CADM4: variants seen among roughly 807,000 people sequenced by gnomAD.
The protein encoded by CADM4 is TSLC1-like 2.
Under a neutral mutation model 43.9 loss-of-function variants are expected in CADM4, and 13 were observed. The observed-to-expected ratio is 0.30, with a 90% CI of 0.19 to 0.47. CADM4 has a LOEUF of 0.47. Ranked by LOEUF, CADM4 falls within the 20% of genes least tolerant of loss-of-function variation. The probability of loss-of-function intolerance (pLI) is 1.00; values close to 1 mark genes in which losing one functional copy is unlikely to be tolerated. For missense variants in CADM4, 420 were observed against 527.0 expected (o/e 0.80, Z 1.99); for synonymous variants, 209 against 220.9 (o/e 0.95, Z 0.48).
At position 43,626,676 on chromosome 19, in the gene CADM4, A is replaced by G; in HGVS notation, c.499+108T>C. The G allele has an allele frequency of 7.2e-7, 1 of 1,387,800 alleles. No homozygotes were observed. Among genetic ancestry groups the G allele is most frequent in the South Asian group, 1.5e-5 (1 of 67,116 alleles). 86.0% of individuals were successfully genotyped at this position (1,387,800 alleles called of 1,614,324 possible). On this transcript the variant is annotated intron_variant, in intron 4 of 8. Coordinates refer to ENST00000222374, the MANE Select transcript of CADM4 (RefSeq NM_145296.2). The surrounding 1 kb of genome is among the most constrained non-coding windows in gnomAD (Gnocchi z 5.9). ...CCGCGCTCGACATCAACCACTACAT[A>G]TTGAATGTCCAGTGTCTGTGAAAAC...
chr19:43,628,269 CAAAAAA>C (rs1196984834), intron 1 of CADM4, among the ~76,000 whole-genome samples: 1 of 127,562 alleles, frequency 7.8e-6, no homozygotes, highest in African/African-American at 2.9e-5. Context: ...ACTAAAAATA[CAAAAAA>C]AAAAAAAAAA....
intron 1 of CADM4, among the ~76,000 whole-genome samples, chr19:43,630,664 G>A (rs1973608976): frequency 6.6e-6 from 1 of 152,108 alleles, no homozygotes; most frequent in Non-Finnish European, 1.5e-5. Flanking sequence ...GAGTGGCAGT[G>A]CCAAAATCTT....
intron 1 of CADM4, among the ~76,000 whole-genome samples, chr19:43,635,043 A>T (rs1287939512): frequency 6.6e-6 from 1 of 151,440 alleles, no homozygotes; most frequent in Non-Finnish European, 1.5e-5. Context: ...GCTTAGACAC[A>T]GGAGTCTGGG....
At chr19:43,630,571 A>C (rs115645883) in intron 1 of CADM4, among the ~76,000 whole-genome samples, 1 of 152,060 alleles carries the variant, frequency 6.6e-6, no homozygotes, top group East Asian at 1.9e-4. Flanking sequence ...GGCTTGAGCT[A>C]TCGTGTCCTG....
Position 43,626,242 on chromosome 19 carries a change from G to A in CADM4, c.546C>T (p.Ser182=). 1.2e-6 allele frequency: 2 copies of A among 1,613,052 alleles called. No individual in the cohort carries two copies. Among genetic ancestry groups the A allele is most frequent in the Non-Finnish European group, 1.7e-6 (2 of 1,180,012 alleles). ...QENGKVWSVA[S]TVRFRVDRKD... is the part of the protein sequence containing the mutation. Reference sequence around the variant, plus strand: ...TACGGTCCACACGAAACCGTACTGTGCTTGCCACGCTCCAGACCTTGCCAT... The same window carrying A: ...TACGGTCCACACGAAACCGTACTGTACTTGCCACGCTCCAGACCTTGCCAT... The change falls in exon 5 of 9, where the codon AGC becomes AGT. Residue 182 remains serine (S), a synonymous_variant. Transcript: ENST00000222374. The surrounding 1 kb of genome is among the most constrained non-coding windows in gnomAD (Gnocchi z 5.9).
chr19:43,641,583 G>A (rs58181910), upstream of CADM4, among the ~76,000 whole-genome samples: 489 of 152,210 alleles, frequency 3.2e-3, 2 homozygotes, highest in African/African-American at 0.011. Flanking sequence ...TGTCCTCAGG[G>A]TCCAAGCTCC....
In CADM4 at chr19:43,626,771, C is replaced by T; in HGVS notation, c.499+13G>A. 6.4e-7 allele frequency: 1 copy of T among 1,557,838 alleles called. No homozygotes were observed. The highest frequency in any genetic ancestry group is 8.7e-7 in the Non-Finnish European group (1 of 1,148,634). ...CTCCTCCCCATCCCTTGTCAGCACT[C>T]GGCCCAGGGTACCTTTCAGCTCCTT... On this transcript the variant is annotated intron_variant, in intron 4 of 8. Transcript: ENST00000222374. The surrounding 1 kb of genome is among the most constrained non-coding windows in gnomAD (Gnocchi z 5.9).
At chr19:43,637,079 C>A (rs1267729660) in intron 1 of CADM4, among the ~76,000 whole-genome samples, 1 of 152,148 alleles carries the variant, frequency 6.6e-6, no homozygotes, top group Non-Finnish European at 1.5e-5. Context: ...GGGTGCATCC[C>A]TGGGCAGGCA....
Position 43,627,834 on chromosome 19 carries a change from G to A in CADM4, c.65-44C>T, listed in dbSNP as rs1422512639. 2 of 1,568,760 alleles carry A rather than the reference G, an allele frequency of 1.3e-6. No individual in the cohort carries two copies. The highest frequency in any genetic ancestry group is 1.7e-6 in the Non-Finnish European group (2 of 1,147,378). On this transcript the variant is annotated intron_variant, in intron 1 of 8. Coordinates refer to ENST00000222374, the MANE Select transcript of CADM4 (RefSeq NM_145296.2). This position sits in a 1 kb window ranked among gnomAD's most constrained non-coding sequence, Gnocchi z 4.0. The stretch of plus-strand genomic sequence containing the variant: ...AGACAGGATAGAAGACTTACTGAGA[G>A]CTGCAATTCAATTTTTTCTTTCTCC...
At chr19:43,624,972 T>C in intron 7 of CADM4, 106 bp downstream of exon 7, 1 of 1,254,896 alleles carries the variant, frequency 8.0e-7, no homozygotes, top group Admixed American at 2.8e-5. Flanking sequence ...CAAAAAGAAC[T>C]CTGTTGGCTG....
chr19:43,625,004 C>A lies in CADM4; in HGVS notation c.928+74G>T. The A allele has an allele frequency of 1.4e-6, 2 of 1,430,300 alleles. No homozygotes were observed. The highest frequency in any genetic ancestry group is 1.4e-5 in the South Asian group (1 of 72,826). The allele number at this position is 1,430,300 out of a possible 1,614,324, so 88.6% of individuals were successfully genotyped here. ...GCTGCCGAACCCCTGAGTTATGTGG[C>A]CTCTTTGCTCAAGCCCCGCCCCCGC... On this transcript the variant is annotated intron_variant, in intron 7 of 8. Transcript: ENST00000222374. The surrounding 1 kb of genome is among the most constrained non-coding windows in gnomAD (Gnocchi z 4.5).
chr19:43,640,504 T>TTCCC (rs1186246156), upstream of CADM4, among the ~76,000 whole-genome samples: 2 of 151,602 alleles, frequency 1.3e-5, no homozygotes, highest in Admixed American at 6.6e-5. Flanking sequence ...GTGGGGTCAG[T>TTCCC]TCCCTCCCTC....
rs184317257 is a variant in CADM4, at chr19:43,625,818, T to A, written c.755+93A>T. On this transcript the variant is annotated intron_variant, in intron 6 of 8. Coordinates refer to ENST00000222374, the MANE Select transcript of CADM4 (RefSeq NM_145296.2). The surrounding 1 kb of genome is among the most constrained non-coding windows in gnomAD (Gnocchi z 4.5). ...TTTGTCCAGGTCCTCAGCTCTCTCC[T>A]CCTTAGGACCCAGGAGTCCAAGTCC... is the stretch of plus-strand genomic sequence containing the variant. 1.1e-4 allele frequency: 113 copies of A among 1,061,724 alleles called. No individual in the cohort carries two copies. The East Asian group carries it at 2.4e-3, about 23-fold the overall frequency. 65.8% of individuals were successfully genotyped at this position (1,061,724 alleles called of 1,614,324 possible). A position where few individuals can be genotyped will look rare whatever the true frequency, so the allele number is the denominator to read the frequency against.
At chr19:43,639,859 C>G (rs1973753312), upstream of CADM4, 6 of 975,370 alleles carry the variant, frequency 6.2e-6, no homozygotes, top group Non-Finnish European at 7.3e-6. Context: ...CCGCCCGCCC[C>G]GCCCCCCGCG....
chr19:43,627,712 T>C lies in CADM4; in HGVS notation c.143A>G (p.Gln48Arg), dbSNP rs1421569311. 1 of 1,614,172 alleles carries C rather than the reference T, an allele frequency of 6.2e-7. No homozygotes were observed. The highest frequency in any genetic ancestry group is 1.1e-5 in the South Asian group (1 of 91,078). ...GVAEITCRLH[Q>R]YDGSIVVIQN... is the part of the protein sequence containing the mutation. The stretch of plus-strand genomic sequence containing the variant: ...GATGACAACTATGGACCCATCATAC[T>C]GGTGCAGACGGCAGGTGATCTCAGC... Residue 48 changes from glutamine (Q) to arginine (R), a missense_variant, in exon 2 of 9, where the codon CAG becomes CGG. Gln to Arg is a conservative substitution (Grantham distance 43). Transcript: ENST00000222374. This position sits in a 1 kb window ranked among gnomAD's most constrained non-coding sequence, Gnocchi z 4.0.
In CADM4 at chr19:43,627,751, G is replaced by A. The variant is rs1275816455; in HGVS notation, c.104C>T (p.Ala35Val). The A allele has an allele frequency of 3.7e-6, 6 of 1,614,004 alleles. No homozygotes were observed. Among genetic ancestry groups the A allele is most frequent in the Non-Finnish European group, 4.2e-6 (5 of 1,179,916 alleles). The change falls in exon 2 of 9, where the codon GCT becomes GTT. Residue 35 changes from alanine to valine, a missense_variant. By Grantham distance (64) the Ala-to-Val change is moderately conservative. Transcript: ENST00000222374. The surrounding 1 kb of genome is among the most constrained non-coding windows in gnomAD (Gnocchi z 4.0). The part of the protein sequence containing the change: ...QEVQTENVTV[A>V]EGGVAEITCR... Reference sequence around the variant, plus strand: ...GGTGATCTCAGCCACCCCACCCTCAGCCACTGTCACGTTCTCTGTCTGTAC... The same window carrying A: ...GGTGATCTCAGCCACCCCACCCTCAACCACTGTCACGTTCTCTGTCTGTAC...
intron 1 of CADM4, among the ~76,000 whole-genome samples, chr19:43,635,205 G>C (rs996713018): frequency 6.6e-6 from 1 of 152,008 alleles, no homozygotes; most frequent in Non-Finnish European, 1.5e-5. Context: ...TCATAGTTCC[G>C]GGAAGGTCAC....
chr19:43,625,305 T>G lies in CADM4; in HGVS notation c.756-55A>C. 2.6e-6 allele frequency: 4 copies of G among 1,541,352 alleles called. No homozygotes were observed. Among genetic ancestry groups the G allele is most frequent in the South Asian group, 1.2e-5 (1 of 84,770 alleles). ...AGGAACCGAGGTGCCAGCACCCAAT[T>G]CTGACTTGTCAAGAATCTAGACATG... On this transcript the variant is annotated intron_variant, in intron 6 of 8. Coordinates refer to ENST00000222374, the MANE Select transcript of CADM4 (RefSeq NM_145296.2). The surrounding 1 kb of genome is among the most constrained non-coding windows in gnomAD (Gnocchi z 4.5).
At position 43,626,236 on chromosome 19, in the gene CADM4, T is replaced by C. The variant is rs1232655319; in HGVS notation, c.552A>G (p.Val184=). The change falls in exon 5 of 9, where the codon GTA becomes GTG. Residue 184 remains valine (V), a synonymous_variant. Transcript: ENST00000222374. The surrounding 1 kb of genome is among the most constrained non-coding windows in gnomAD (Gnocchi z 5.9). ...CGTCCTTACGGTCCACACGAAACCGTACTGTGCTTGCCACGCTCCAGACCT... is the reference window on the plus strand; with the variant it reads ...CGTCCTTACGGTCCACACGAAACCGCACTGTGCTTGCCACGCTCCAGACCT... The part of the protein sequence containing the change: ...NGKVWSVAST[V]RFRVDRKDDG... 1 of 1,613,428 alleles carries C rather than the reference T, an allele frequency of 6.2e-7. No individual in the cohort carries two copies. Among genetic ancestry groups the C allele is most frequent in the Admixed American group, 1.7e-5 (1 of 60,018 alleles).
Sources: allele counts gnomAD v4.1 joint callset (sites outside exome capture counted in the v4.1 genomes callset), GRCh38; gene constraint gnomAD v4.1.1; non-coding constraint Gnocchi (gnomAD v3.1); transcripts MANE v1.5; gene names NCBI Gene and HGNC (gene_info 2026-07-23, HGNC 2026-07-21).